CYRIB: variants seen among roughly 807,000 people sequenced by gnomAD.
CYRIB encodes the protein CYFIP-related Rac1 interactor B.
In CYRIB, 8 loss-of-function variants were observed where a neutral mutation model predicts 44.2. That is an observed-to-expected ratio of 0.18 (90% CI 0.11 to 0.33). The LOEUF (loss-of-function observed/expected upper bound fraction) is 0.33, where lower values mean the gene tolerates loss of function less well. Ranked by LOEUF, CYRIB falls within the 10% of genes least tolerant of loss-of-function variation. The pLI is 1.00. For missense variants in CYRIB, 185 were observed against 382.8 expected (o/e 0.48, Z 4.31); for synonymous variants, 131 against 127.2 (o/e 1.03, Z -0.20).
chr8:129,902,350 C>G (rs1002964902), intron 2 of CYRIB, among the ~76,000 whole-genome samples: 4 of 152,136 alleles, frequency 2.6e-5, no homozygotes, highest in Non-Finnish European at 4.4e-5. Context: ...ACCCAAGTAG[C>G]TGGGACTACA....
chr8:129,974,008 TATGCCTG>T (rs2095819613), intron 1 of CYRIB, among the ~76,000 whole-genome samples: 1 of 152,112 alleles, frequency 6.6e-6, no homozygotes, highest in Non-Finnish European at 1.5e-5. Flanking sequence ...CACCCGGTAC[TATGCCTG>T]ATGTCTAGTA....
chr8:129,946,001 C>T (rs1455406138), intron 2 of CYRIB, among the ~76,000 whole-genome samples: 3 of 152,240 alleles, frequency 2.0e-5, no homozygotes, highest in African/African-American at 7.2e-5. Flanking sequence ...CAATCTACTT[C>T]TCGGAAATGT....
chr8:129,962,200 C>T (rs865821293), intron 2 of CYRIB, among the ~76,000 whole-genome samples: 7 of 151,492 alleles, frequency 4.6e-5, no homozygotes, highest in Middle Eastern at 3.2e-3. Context: ...GCCATGATTG[C>T]GCCACTGCAC....
At chr8:129,906,892 A>G (rs544099874) in intron 1 of CYRIB, among the ~76,000 whole-genome samples, 1 of 152,340 alleles carries the variant, frequency 6.6e-6, no homozygotes, top group South Asian at 2.1e-4. Context: ...AATCAAAACC[A>G]CAATGAGATA....
intron 1 of CYRIB, among the ~76,000 whole-genome samples, chr8:129,990,212 A>ACAT (rs2096594280): frequency 1.3e-5 from 2 of 152,182 alleles, no homozygotes; most frequent in African/African-American, 4.8e-5. Flanking sequence ...ACGTGAATAT[A>ACAT]CATATATGTA....
intron 1 of CYRIB, among the ~76,000 whole-genome samples, chr8:129,927,825 A>G (rs539847223): frequency 1.3e-5 from 2 of 152,344 alleles, no homozygotes; most frequent in South Asian, 2.1e-4. Context: ...AACAGAAATA[A>G]AAGTCTATAG....
intron 1 of CYRIB, among the ~76,000 whole-genome samples, chr8:129,918,792 T>C (rs1422310570): frequency 6.6e-6 from 1 of 152,168 alleles, no homozygotes; most frequent in East Asian, 1.9e-4. Context: ...ATAAATAATA[T>C]AAGTACATTA....
At chr8:129,987,040 G>A (rs2096481544) in intron 1 of CYRIB, among the ~76,000 whole-genome samples, 3 of 152,192 alleles carry the variant, frequency 2.0e-5, no homozygotes, top group Admixed American at 2.0e-4. Context: ...TCACACTTTG[G>A]CTGAAGCCAC....
At chr8:129,895,139 T>TG (rs1216783805) in intron 2 of CYRIB, among the ~76,000 whole-genome samples, 3 of 5,024 alleles carry the variant, frequency 6.0e-4, no homozygotes, top group African/African-American at 2.3e-3. Context: ...GGGGTGGGGG[T>TG]GGGGGCAGGG....
intron 1 of CYRIB, among the ~76,000 whole-genome samples, chr8:129,937,896 T>C (rs183356666): frequency 3.3e-5 from 5 of 152,266 alleles, no homozygotes; most frequent in Admixed American, 2.6e-4. Flanking sequence ...TCTCTCTCTC[T>C]CTCTCTCTCA....
At chr8:129,994,422 C>T (rs145236461) in intron 1 of CYRIB, among the ~76,000 whole-genome samples, 52 of 152,332 alleles carry the variant, frequency 3.4e-4, no homozygotes, top group African/African-American at 9.9e-4. Flanking sequence ...AAAGCAGCCC[C>T]GGGAAGCTGA....
intron 2 of CYRIB, among the ~76,000 whole-genome samples, chr8:129,957,552 C>A (rs1455703512): frequency 6.6e-6 from 1 of 152,106 alleles, no homozygotes; most frequent in Non-Finnish European, 1.5e-5. Context: ...TTTTTTATTG[C>A]CGGCACGATG....
intron 1 of CYRIB, among the ~76,000 whole-genome samples, chr8:129,922,456 T>G (rs551900102): frequency 6.6e-6 from 1 of 152,290 alleles, no homozygotes; most frequent in South Asian, 2.1e-4. Context: ...TTGAGATATT[T>G]AAGAGGTCCC....
chr8:130,000,212 C>G (rs1420770285), intron 1 of CYRIB, among the ~76,000 whole-genome samples: 1 of 152,078 alleles, frequency 6.6e-6, no homozygotes, highest in Non-Finnish European at 1.5e-5. Flanking sequence ...GATGTGAGGA[C>G]AAGAGAAAGG....
At chr8:129,968,331 G>T (rs1468951874) in intron 2 of CYRIB, among the ~76,000 whole-genome samples, 1 of 151,982 alleles carries the variant, frequency 6.6e-6, no homozygotes, top group Admixed American at 6.6e-5. Flanking sequence ...TTTCAATTCA[G>T]CTGCTCTTCA....
At position 129,849,223 on chromosome 8, in the gene CYRIB, TA is replaced by T; in HGVS notation, c.840+19del. 6.4e-7 allele frequency: 1 copy of T among 1,564,032 alleles called. No homozygotes were observed. The highest frequency in any genetic ancestry group is 2.3e-5 in the East Asian group (1 of 44,026). ...ATGGAGAAACTCGTTTGAAATTATT[TA>T]TATAAAACAATAACTTACATCAATT... is the stretch of plus-strand genomic sequence containing the variant. On this transcript the variant is annotated intron_variant, in intron 10 of 11. Coordinates refer to ENST00000519824, the Ensembl canonical transcript of CYRIB.
At chr8:129,988,713 C>T (rs947998703) in intron 1 of CYRIB, among the ~76,000 whole-genome samples, 1 of 152,176 alleles carries the variant, frequency 6.6e-6, no homozygotes, top group Non-Finnish European at 1.5e-5. Context: ...CTGTCTAACA[C>T]CCACACTGGG....
intron 11 of CYRIB, among the ~76,000 whole-genome samples, chr8:129,842,510 A>C (rs937666278): frequency 1.3e-5 from 2 of 152,220 alleles, no homozygotes; most frequent in African/African-American, 4.8e-5. Flanking sequence ...ATGCTGTTCT[A>C]TCCCAGAGGC....
chr8:129,902,566 A>G (rs2072811820), intron 2 of CYRIB, among the ~76,000 whole-genome samples: 1 of 152,010 alleles, frequency 6.6e-6, no homozygotes, highest in South Asian at 2.1e-4. Context: ...ACCCAGGTTA[A>G]AGTGCAGTGA....
Sources: gnomAD v4.1 joint callset for allele counts (sites outside exome capture counted in the v4.1 genomes callset) on GRCh38, gnomAD v4.1.1 for gene constraint, MANE v1.5 for transcripts, NCBI Gene and HGNC (gene_info 2026-07-23, HGNC 2026-07-21) for gene names.